The following C10orf67 variants were observed in gnomAD, a reference collection of about 807,000 sequenced individuals.
The protein encoded by C10orf67 is uncharacterized protein C10orf67, mitochondrial.
C10orf67 carries 60 observed loss-of-function variants against 35.6 expected under a neutral mutation model. The observed-to-expected ratio is 1.68, with a 90% confidence interval of 1.37 to 2.09. The LOEUF (loss-of-function observed/expected upper bound fraction) is 2.09, where lower values mean the gene tolerates loss of function less well. Among genes scored for constraint, C10orf67 ranks in the 30% most tolerant of loss-of-function variants. The pLI, the probability that C10orf67 is intolerant of heterozygous loss-of-function variation, is 0.00. For missense variants in C10orf67, 474 were observed against 330.2 expected (o/e 1.44, Z -3.38); for synonymous variants, 167 against 115.8 (o/e 1.44, Z -2.84).
intron 6 of C10orf67, among the ~76,000 whole-genome samples, 169 bp downstream of exon 6, chr10:23,290,963 T>C (rs936975739): frequency 1.2e-4 from 18 of 152,264 alleles, no homozygotes; most frequent in African/African-American, 4.3e-4. Flanking sequence ...ACATCCTCTG[T>C]CCCAAGCAAG....
intron 12 of C10orf67, among the ~76,000 whole-genome samples, chr10:23,246,453 T>C (rs1324776547): frequency 6.6e-6 from 1 of 152,192 alleles, no homozygotes; most frequent in African/African-American, 2.4e-5. Flanking sequence ...CAGTTATTTC[T>C]TTGAAATAAA....
chr10:23,247,128 AT>A (rs909251894), intron 12 of C10orf67, among the ~76,000 whole-genome samples: 92 of 150,210 alleles, frequency 6.1e-4, no homozygotes, highest in African/African-American at 1.8e-3. Flanking sequence ...TGAAAAAAAT[AT>A]TTTTTTTTTG....
Position 23,254,616 on chromosome 10 carries a change from C to T in C10orf67, c.1201-3925G>A, listed in dbSNP as rs1016217934. Among the ~76,000 whole-genome samples the T allele has an allele frequency of 9.2e-5, 14 of 152,056 alleles. No individual in the cohort carries two copies. In the East Asian group the frequency reaches 1.3e-3, roughly 15 times the overall value. On this transcript the variant is annotated intron_variant, in intron 10 of 15. Transcript: ENST00000636213. ...TTAAGAAATAAAGGTTCATTTATAACGGAAGTTATGATTCTTAAATTTGCT... is the reference window on the plus strand; with the variant it reads ...TTAAGAAATAAAGGTTCATTTATAATGGAAGTTATGATTCTTAAATTTGCT...
rs59739390 is a variant in C10orf67 at position 23,291,129 on chromosome 10, T to C, written c.850+3A>G. ...TTTCTCAAAAGTGATTTCAAAATGTTACCTAATCCTGAATTTTCTTTTAGA... is the reference window on the plus strand; with the variant it reads ...TTTCTCAAAAGTGATTTCAAAATGTCACCTAATCCTGAATTTTCTTTTAGA... On this transcript the variant is annotated splice_donor_region_variant and intron_variant, in intron 6 of 15. Transcript: ENST00000636213. 0.032 allele frequency: 22,257 copies of C among 701,454 alleles called. 2,886 individuals are homozygous for C. In the East Asian group the frequency reaches 0.36, roughly 11 times the overall value. 43.5% of individuals were successfully genotyped at this position (701,454 alleles called of 1,614,324 possible). A position where few individuals can be genotyped will look rare whatever the true frequency, so the allele number is the denominator to read the frequency against.
At chr10:23,211,610 T>C (rs1484848908) in intron 15 of C10orf67, among the ~76,000 whole-genome samples, 1 of 152,130 alleles carries the variant, frequency 6.6e-6, no homozygotes, top group Non-Finnish European at 1.5e-5. Flanking sequence ...TTAAAAGTGT[T>C]CTTTAAAAAA....
At chr10:23,227,463 A>G (rs920918175) in intron 13 of C10orf67, among the ~76,000 whole-genome samples, 1 of 152,172 alleles carries the variant, frequency 6.6e-6, no homozygotes, top group Non-Finnish European at 1.5e-5. Flanking sequence ...TATTTATGAC[A>G]AACCCACAGC....
chr10:23,296,127 A>G (rs1843872569), intron 5 of C10orf67, among the ~76,000 whole-genome samples: 1 of 152,132 alleles, frequency 6.6e-6, no homozygotes, highest in Non-Finnish European at 1.5e-5. Flanking sequence ...TAACATTTTG[A>G]CATATAACTT....
intron 15 of C10orf67, among the ~76,000 whole-genome samples, chr10:23,209,869 G>A (rs772578172): frequency 1.8e-4 from 28 of 151,666 alleles, no homozygotes; most frequent in Non-Finnish European, 2.8e-4. Context: ...GCGTGGTGGC[G>A]CACACCTGTG....
chr10:23,331,209 A>C (rs1481720222), intron 2 of C10orf67, among the ~76,000 whole-genome samples: 2,120 of 21,220 alleles, frequency 0.1, 81 homozygotes, highest in East Asian at 0.33. Context: ...GGAAGGGAAG[A>C]GGGAAGGGAA....
intron 1 of C10orf67, among the ~76,000 whole-genome samples, chr10:23,335,957 G>T (rs1393347987): frequency 6.6e-6 from 1 of 152,032 alleles, no homozygotes; most frequent in Non-Finnish European, 1.5e-5. Flanking sequence ...ACCTTCTTTT[G>T]CCTTCCATTC....
Position 23,319,922 on chromosome 10 carries a change from G to A in C10orf67, c.546+819C>T, listed in dbSNP as rs1844877846. Among the ~76,000 whole-genome samples, 4 of 152,304 alleles carry A rather than the reference G, an allele frequency of 2.6e-5. No individual in the cohort carries two copies. The South Asian group carries it at 8.3e-4, about 32-fold the overall frequency. ...CCCTGTCAGTAAAAAGCAGTGGGGAGAATGTGCAGTGGAGAGAATGACATT... is the reference window on the plus strand; with the variant it reads ...CCCTGTCAGTAAAAAGCAGTGGGGAAAATGTGCAGTGGAGAGAATGACATT... On this transcript the variant is annotated intron_variant, in intron 4 of 15. Coordinates refer to ENST00000636213, the MANE Select transcript of C10orf67 (RefSeq NM_001371909.1).
chr10:23,290,194 T>C (rs1843679206), intron 6 of C10orf67, among the ~76,000 whole-genome samples: 1 of 152,200 alleles, frequency 6.6e-6, no homozygotes, highest in African/African-American at 2.4e-5. Context: ...GGCTGAGGGC[T>C]GAAAGCTTTT....
Position 23,325,681 on chromosome 10 carries a change from TA to T in C10orf67, c.328-3145del, listed in dbSNP as rs5783837. Among the ~76,000 whole-genome samples, 287 of 145,060 alleles carry T rather than the reference TA, an allele frequency of 2.0e-3. 1 individual carries two copies. Among genetic ancestry groups the T allele is most frequent in the African/African-American group, 4.9e-3 (197 of 39,904 alleles). On this transcript the variant is annotated intron_variant, in intron 2 of 15. Coordinates refer to ENST00000636213, the MANE Select transcript of C10orf67 (RefSeq NM_001371909.1). ...ATCCAAATTACTTGGATTATATATA[TA>T]AAAAAAAAAAACAGGAAAATGTGAT...
chr10:23,333,220 GATA>G, intron 1 of C10orf67, 38 bp from the exon 2 acceptor site: 1 of 1,530,878 alleles, frequency 6.5e-7, no homozygotes, highest in Non-Finnish European at 8.9e-7. Context: ...TTAAGTCATA[GATA>G]TTTTCTTAGA....
chr10:23,333,439 A>G (rs990253728), intron 1 of C10orf67, among the ~76,000 whole-genome samples: 1 of 152,286 alleles, frequency 6.6e-6, no homozygotes, highest in South Asian at 2.1e-4. Flanking sequence ...ATCAATTTAT[A>G]TACCTGCTTT....
At chr10:23,295,438 G>T (rs1474910436) in intron 5 of C10orf67, among the ~76,000 whole-genome samples, 2 of 152,202 alleles carry the variant, frequency 1.3e-5, no homozygotes, top group Non-Finnish European at 2.9e-5. Context: ...CAGTCCAGAG[G>T]TCTGTTTGGT....
chr10:23,323,891 CTAAATATATATATATA>C (rs1358619959), intron 2 of C10orf67, among the ~76,000 whole-genome samples: 3 of 60,550 alleles, frequency 5.0e-5, no homozygotes, highest in African/African-American at 1.6e-4. Context: ...AAGACTCCGT[CTAAATATATATATATA>C]TATATATATA....
intron 9 of C10orf67, among the ~76,000 whole-genome samples, 199 bp downstream of exon 9, chr10:23,266,996 C>T (rs533341626): frequency 4.6e-5 from 7 of 152,280 alleles, no homozygotes; most frequent in South Asian, 2.1e-4. Context: ...CCTCCTGCCT[C>T]GGCCTCCTAA....
chr10:23,225,367 A>T (rs1841706719), intron 13 of C10orf67, among the ~76,000 whole-genome samples: 1 of 152,210 alleles, frequency 6.6e-6, no homozygotes, highest in Admixed American at 6.5e-5. Context: ...CTCCTGAAGG[A>T]AGTGCTAAAC....
Sources: allele counts gnomAD v4.1 joint callset (sites outside exome capture counted in the v4.1 genomes callset), GRCh38; gene constraint gnomAD v4.1.1; transcripts MANE v1.5; gene names NCBI Gene and HGNC (gene_info 2026-07-23, HGNC 2026-07-21).